HSPA14: variants seen among roughly 807,000 people sequenced by gnomAD.
HSPA14 encodes the protein heat shock 70 kDa protein 14.
A neutral mutation model predicts 65.5 loss-of-function variants in HSPA14; 37 were observed. The ratio of observed to expected loss-of-function variants is 0.56; its 90% CI spans 0.43 to 0.74. The LOEUF (loss-of-function observed/expected upper bound fraction) is 0.74. Among genes scored for constraint, HSPA14 ranks in the 30% least tolerant of loss-of-function variants. HSPA14 has a pLI of 0.00. For missense variants in HSPA14, 564 were observed against 607.6 expected, an observed-to-expected ratio of 0.93 and a Z score of 0.75; for synonymous variants, 203 against 214.2, an observed-to-expected ratio of 0.95 and a Z score of 0.46.
intron 1 of HSPA14, among the ~76,000 whole-genome samples, chr10:14,839,631 T>TAATA (rs1833944998): frequency 6.6e-6 from 1 of 152,024 alleles, no homozygotes; most frequent in East Asian, 1.9e-4. Context: ...AAAGGTAACG[T>TAATA]AATAATAGCC....
intron 3 of HSPA14, chr10:14,846,365 G>T: frequency 1.0e-6 from 1 of 985,340 alleles, no homozygotes; most frequent in Non-Finnish European, 1.2e-6. Flanking sequence ...TGCTGAAGAA[G>T]AGCATTGGAA....
chr10:14,840,248 G>GT, intron 3 of HSPA14, 91 bp downstream of exon 3: 1 of 591,078 alleles, frequency 1.7e-6, no homozygotes, highest in Non-Finnish European at 2.6e-6. Flanking sequence ...AAACAGCATA[G>GT]TTTGTTTCTT....
intron 3 of HSPA14, chr10:14,843,472 G>A (rs536081688): frequency 1.3e-5 from 20 of 1,550,550 alleles, no homozygotes; most frequent in Middle Eastern, 1.7e-4. Flanking sequence ...GGGTGTGTCC[G>A]GGGAGCCCAG....
At chr10:14,854,794 C>G (rs988214039) in intron 9 of HSPA14, among the ~76,000 whole-genome samples, 2 of 152,294 alleles carry the variant, frequency 1.3e-5, no homozygotes, top group Admixed American at 6.5e-5. Context: ...TAGATCTGCA[C>G]TGCCCAATAA....
intron 9 of HSPA14, among the ~76,000 whole-genome samples, chr10:14,855,351 A>G (rs1012333447): frequency 6.6e-6 from 1 of 152,174 alleles, no homozygotes; most frequent in Admixed American, 6.5e-5. Context: ...CCAGCATTCA[A>G]TTTCTCAGGG....
chr10:14,842,903 T>A lies in HSPA14; in HGVS notation c.221+2746T>A. On this transcript the variant is annotated intron_variant, in intron 3 of 13. Coordinates refer to ENST00000378372, the MANE Select transcript of HSPA14 (RefSeq NM_016299.4). This position sits in a 1 kb window ranked among gnomAD's most constrained non-coding sequence, Gnocchi z 5.2. ...CCAGAGTCTTGTGGCTCTAAACATT[T>A]AGCTGTGTCTGTTTGGATAGTGTCC... The A allele has an allele frequency of 8.3e-7, 1 of 1,208,554 alleles. No homozygotes were observed. The highest frequency in any genetic ancestry group is 1.1e-6 in the Non-Finnish European group (1 of 879,976). The allele number at this position is 1,208,554 out of a possible 1,614,324, so 74.9% of individuals were successfully genotyped here. A position where few individuals can be genotyped will look rare whatever the true frequency, so the allele number is the denominator to read the frequency against.
In HSPA14 at chr10:14,867,856, C is replaced by G; in HGVS notation, c.1327C>G (p.Leu443Val). The change falls in exon 12 of 14, where the codon CTC becomes GTC. Residue 443 changes from leucine to valine, a missense_variant. Physicochemically the swap from Leu to Val is conservative, Grantham distance 32 (BLOSUM62 1). Transcript: ENST00000378372. ...AAGCATATCTTCAGTGTGCCTTGAA[C>G]TCTATGAGTCTGATGGGAAGAACTC... ...PGSISSVCLE[L>V]YESDGKNSAK... The G allele has an allele frequency of 6.2e-7, 1 of 1,614,102 alleles. No homozygotes were observed. The highest frequency in any genetic ancestry group is 8.5e-7 in the Non-Finnish European group (1 of 1,180,006).
At position 14,867,277 on chromosome 10, in the gene HSPA14, C is replaced by T. The variant is rs758621551; in HGVS notation, c.1188C>T (p.Ala396=). ...VEDSLMIECS[A]RDILVKGVDE... is the part of the protein sequence containing the mutation. ...ACTCTCTTATGATAGAGTGTTCAGC[C>T]AGAGATATTTTAGTTAAGGTATGTT... Residue 396 remains alanine (A), a synonymous_variant, in exon 11 of 14, where the codon GCC becomes GCT. Coordinates refer to ENST00000378372, the MANE Select transcript of HSPA14 (RefSeq NM_016299.4). The T allele has an allele frequency of 6.2e-6, 10 of 1,612,766 alleles. No homozygotes were observed. In the South Asian group the frequency reaches 1.1e-4, roughly 18 times the overall value.
chr10:14,853,177 CTTGT>C (rs1421428763), intron 8 of HSPA14, among the ~76,000 whole-genome samples: 2 of 151,892 alleles, frequency 1.3e-5, no homozygotes, highest in South Asian at 2.1e-4. Context: ...TAATGTCTCA[CTTGT>C]TTGATAAAGA....
intron 3 of HSPA14, chr10:14,843,878 C>T (rs1834009347): frequency 2.6e-6 from 4 of 1,536,256 alleles, no homozygotes; most frequent in Non-Finnish European, 2.6e-6. Flanking sequence ...AGGTTGATTT[C>T]GAATACCAAA....
chr10:14,844,729 T>A, intron 3 of HSPA14: 8 of 964,786 alleles, frequency 8.3e-6, no homozygotes, highest in Non-Finnish European at 8.6e-6. Context: ...ATTAAATATA[T>A]GTAAATTCTT....
intron 10 of HSPA14, among the ~76,000 whole-genome samples, chr10:14,866,619 T>C (rs988490261): frequency 1.3e-5 from 2 of 152,226 alleles, no homozygotes; most frequent in African/African-American, 4.8e-5. Flanking sequence ...TCAAGAAACT[T>C]AATATTCTTC....
Position 14,840,142 on chromosome 10 carries a change from A to G in HSPA14, c.206A>G (p.Gln69Arg). The G allele has an allele frequency of 6.8e-7, 1 of 1,461,514 alleles. No individual in the cohort carries two copies. Among genetic ancestry groups the G allele is most frequent in the Non-Finnish European group, 9.2e-7 (1 of 1,090,262 alleles). The allele number at this position is 1,461,514 out of a possible 1,614,324, so 90.5% of individuals were successfully genotyped here. A position where few individuals can be genotyped will look rare whatever the true frequency, so the allele number is the denominator to read the frequency against. The change falls in exon 3 of 14, where the codon CAG (glutamine) becomes CGG (arginine). Residue 69 changes from glutamine (Q) to arginine (R), a missense_variant. Physicochemically the swap from Gln to Arg is conservative, Grantham distance 43 (BLOSUM62 1). Transcript: ENST00000378372. ...NISNTVMKVK[Q>R]ILGRSSSDPQ... Reference sequence around the variant, plus strand: ...TCAAATACAGTAATGAAAGTAAAGCAGATCCTGGGCAGAAGGTATGGAATC... The same window carrying G: ...TCAAATACAGTAATGAAAGTAAAGCGGATCCTGGGCAGAAGGTATGGAATC...
At chr10:14,843,809 C>G in intron 3 of HSPA14, 1 of 1,536,382 alleles carries the variant, frequency 6.5e-7, no homozygotes, top group East Asian at 2.4e-5. Context: ...AGACGTTTGG[C>G]AACAGCAGTG....
At chr10:14,850,978 G>A (rs1005243746) in intron 6 of HSPA14, 1 of 349,584 alleles carries the variant, frequency 2.9e-6, no homozygotes, top group Non-Finnish European at 5.2e-6. Flanking sequence ...TTCAGTACGT[G>A]TGCTTTTTGC....
At chr10:14,844,275 G>A (rs1834014835) in intron 3 of HSPA14, 1 of 1,082,184 alleles carries the variant, frequency 9.2e-7, no homozygotes, top group Non-Finnish European at 1.1e-6. Context: ...GTTCATAGAT[G>A]TGAAAGGGTT....
At chr10:14,840,602 T>G (rs1029632315) in intron 3 of HSPA14, among the ~76,000 whole-genome samples, 1 of 152,208 alleles carries the variant, frequency 6.6e-6, no homozygotes, top group African/African-American at 2.4e-5. Flanking sequence ...ACTTTTCCAC[T>G]TGACTTACAA....
At position 14,867,309 on chromosome 10, in the gene HSPA14, T is replaced by A. The variant is rs1832815691; in HGVS notation, c.1206+14T>A. ...ATTTTAGTTAAGGTATGTTTAGCTTTTGTATACTAGTTAAGGTATGTTTAG... is the reference window on the plus strand; with the variant it reads ...ATTTTAGTTAAGGTATGTTTAGCTTATGTATACTAGTTAAGGTATGTTTAG... On this transcript the variant is annotated intron_variant, in intron 11 of 13. Coordinates refer to ENST00000378372, the MANE Select transcript of HSPA14 (RefSeq NM_016299.4). The A allele has an allele frequency of 6.5e-7, 1 of 1,543,900 alleles. No homozygotes were observed. The highest frequency in any genetic ancestry group is 1.4e-5 in the African/African-American group (1 of 73,686).
intron 10 of HSPA14, among the ~76,000 whole-genome samples, chr10:14,862,413 C>T (rs1455450746): frequency 2.1e-5 from 3 of 141,396 alleles, no homozygotes; most frequent in African/African-American, 5.4e-5. Flanking sequence ...GTCGTTCTGT[C>T]GCCCAGGCTG....
Sources: gnomAD v4.1 joint callset for allele counts (sites outside exome capture counted in the v4.1 genomes callset) on GRCh38, gnomAD v4.1.1 for gene constraint, Gnocchi (gnomAD v3.1) non-coding constraint, MANE v1.5 for transcripts, NCBI Gene and HGNC (gene_info 2026-07-23, HGNC 2026-07-21) for gene names.